Variants in HDAC4 observed in about 807,000 individuals in gnomAD.
HDAC4 encodes the protein histone deacetylase 4.
HDAC4 carries 16 observed loss-of-function variants against 135.1 expected under a neutral mutation model. The observed-to-expected ratio is 0.12, with a 90% CI of 0.08 to 0.18. The LOEUF (loss-of-function observed/expected upper bound fraction) is 0.18. Among genes scored for constraint, HDAC4 ranks in the 10% least tolerant of loss-of-function variants. The probability of loss-of-function intolerance (pLI) is 1.00; values close to 1 mark genes in which losing one functional copy is unlikely to be tolerated. For synonymous variants in HDAC4, 685 were observed against 653.4 expected (o/e 1.05, Z -0.74); for missense variants, 1,143 against 1,511.8 (o/e 0.76, Z 4.05).
At chr2:239,170,003 C>A (rs2043353694) in intron 5 of HDAC4, among the ~76,000 whole-genome samples, 1 of 152,228 alleles carries the variant, frequency 6.6e-6, no homozygotes, top group Admixed American at 6.5e-5. Context: ...TCCTCAGAGG[C>A]CTTCTACCTT....
chr2:239,168,015 C>T (rs986525636), intron 5 of HDAC4, among the ~76,000 whole-genome samples: 2 of 152,284 alleles, frequency 1.3e-5, no homozygotes, highest in East Asian at 1.9e-4. Flanking sequence ...GCTGTGCTCC[C>T]GGAGGGCCGT....
At position 239,358,344 on chromosome 2, in the gene HDAC4, G is replaced by A. The variant is rs549840032; in HGVS notation, c.-219-5426C>T. 3.9e-5 allele frequency among the ~76,000 whole-genome samples: 6 copies of A among 152,326 alleles called. No homozygotes were observed. In the East Asian group the frequency reaches 5.8e-4, roughly 15 times the overall value. On this transcript the variant is annotated intron_variant, in intron 1 of 26. Transcript: ENST00000543185. ...TGGTGTTGGTGCTAAAGCGCCGGCC[G>A]TCGGGAGCTCCTGCAAACCAGCTCC...
chr2:239,292,252 G>A (rs2051565919), intron 2 of HDAC4, among the ~76,000 whole-genome samples: 1 of 152,252 alleles, frequency 6.6e-6, no homozygotes, highest in East Asian at 1.9e-4. Context: ...CAGAGCACCT[G>A]CAGAAGCAGT....
At position 239,052,771 on chromosome 2, in the gene HDAC4, C is replaced by T. The variant is rs1182125802; in HGVS notation, c.*326G>A. 4 of 412,540 alleles carry T rather than the reference C, an allele frequency of 9.7e-6. No homozygotes were observed. Among genetic ancestry groups the T allele is most frequent in the East Asian group, 4.3e-5 (1 of 23,518 alleles). 25.6% of individuals were successfully genotyped at this position (412,540 alleles called of 1,614,324 possible). A position where few individuals can be genotyped will look rare whatever the true frequency, so the allele number is the denominator to read the frequency against. ...TGTCAACTGAATTCGGCAGCTCGGC[C>T]GCCTGTTGCCACAGGCTCCTTTCTT... On this transcript the variant is annotated 3_prime_UTR_variant, in exon 27 of 27. Coordinates refer to ENST00000543185, the MANE Select transcript of HDAC4 (RefSeq NM_001378414.1).
intron 22 of HDAC4, among the ~76,000 whole-genome samples, chr2:239,073,324 C>T (rs2034391485): frequency 6.6e-6 from 1 of 152,192 alleles, no homozygotes; most frequent in Non-Finnish European, 1.5e-5. Flanking sequence ...CCCCGAGGGC[C>T]ATCGTTAGGG....
rs1316805476 is a variant in HDAC4, at chr2:239,400,259, C to G, written c.-220+719G>C. On this transcript the variant is annotated intron_variant, in intron 1 of 26. Transcript: ENST00000543185. This position sits in a 1 kb window ranked among gnomAD's most constrained non-coding sequence, Gnocchi z 4.7. ...CGACGACAAGCGCGGGGCCGCGGAC[C>G]CCCGGCAGGGACGTTTTTCTGCAAA... The G allele has an allele frequency of 1.3e-5, 2 of 151,186 alleles. No individual in the cohort carries two copies. Among genetic ancestry groups the G allele is most frequent in the Middle Eastern group, 3.3e-3 (1 of 306 alleles). 9.4% of individuals were successfully genotyped at this position (151,186 alleles called of 1,614,324 possible).
intron 3 of HDAC4, among the ~76,000 whole-genome samples, chr2:239,194,849 C>T (rs539735526): frequency 3.0e-4 from 45 of 152,350 alleles, no homozygotes; most frequent in African/African-American, 1.0e-3. Flanking sequence ...TCCAGCTTCT[C>T]CAGCAGTTTA....
chr2:239,152,697 C>G (rs1039915441), intron 7 of HDAC4, among the ~76,000 whole-genome samples: 1 of 152,156 alleles, frequency 6.6e-6, no homozygotes, highest in African/African-American at 2.4e-5. Flanking sequence ...TCTTGGTGTT[C>G]CCATCCTTGT....
chr2:239,084,022 A>G (rs573270044), intron 20 of HDAC4, 133 bp downstream of exon 20: 9 of 723,466 alleles, frequency 1.2e-5, no homozygotes, highest in South Asian at 6.0e-5. Context: ...ACTTCTCCGC[A>G]TCTTTGAGAC....
In HDAC4 at chr2:239,055,288, A is replaced by T. The variant is rs549163264; in HGVS notation, c.3004-455T>A. On this transcript the variant is annotated intron_variant, in intron 24 of 26. Coordinates refer to ENST00000543185, the MANE Select transcript of HDAC4 (RefSeq NM_001378414.1). Reference sequence around the variant, plus strand: ...GGGGTCGGGGGAGATGAAATGGAAGAAGTAGTCAGATCTCTCAGAGGGAAT... The same window carrying T: ...GGGGTCGGGGGAGATGAAATGGAAGTAGTAGTCAGATCTCTCAGAGGGAAT... 3 of 241,442 alleles carry T rather than the reference A, an allele frequency of 1.2e-5. No individual in the cohort carries two copies. The East Asian group carries it at 3.2e-4, about 26-fold the overall frequency. The allele number at this position is 241,442 out of a possible 1,614,324, so 15.0% of individuals were successfully genotyped here.
Position 239,115,514 on chromosome 2 carries a change from T to C in HDAC4, c.1534-204A>G, listed in dbSNP as rs536636289. 1.3e-5 allele frequency among the ~76,000 whole-genome samples: 2 copies of C among 151,510 alleles called. No homozygotes were observed. Among genetic ancestry groups the C allele is most frequent in the African/African-American group, 4.9e-5 (2 of 41,216 alleles). On this transcript the variant is annotated intron_variant, in intron 12 of 26. Coordinates refer to ENST00000543185, the MANE Select transcript of HDAC4 (RefSeq NM_001378414.1). The surrounding 1 kb of genome is among the most constrained non-coding windows in gnomAD (Gnocchi z 6.3). ...GAGTGCCTAAGAAAATAATGCCCAG[T>C]AGGACCCCAGCCCAGGGTCAAGGTG...
At chr2:239,145,736 C>T (rs772469480) in intron 7 of HDAC4, among the ~76,000 whole-genome samples, 1 of 152,218 alleles carries the variant, frequency 6.6e-6, no homozygotes, top group Non-Finnish European at 1.5e-5. Flanking sequence ...AATCAGCACT[C>T]CTGCTGTTCT....
At chr2:239,190,295 C>G (rs11894562) in intron 3 of HDAC4, among the ~76,000 whole-genome samples, 194 of 152,178 alleles carry the variant, frequency 1.3e-3, no homozygotes, top group South Asian at 3.1e-3. Flanking sequence ...AGGGCAAAAA[C>G]CACAAAAGCC....
At chr2:239,380,982 GA>G (rs1466815511) in intron 1 of HDAC4, among the ~76,000 whole-genome samples, 1 of 152,152 alleles carries the variant, frequency 6.6e-6, no homozygotes, top group Non-Finnish European at 1.5e-5. Flanking sequence ...TTCACGTCCT[GA>G]TAGCTGAGAA....
rs1205941141 is a variant in HDAC4 at position 239,262,879 on chromosome 2, C to T, written c.23-26215G>A. On this transcript the variant is annotated intron_variant, in intron 2 of 26. Coordinates refer to ENST00000543185, the MANE Select transcript of HDAC4 (RefSeq NM_001378414.1). The surrounding 1 kb of genome is among the most constrained non-coding windows in gnomAD (Gnocchi z 4.1). ...CTGGTGAGCAGGAGAGCGTGAGGCT[C>T]TAAGGAGTGGATCCCTCACTGGAAG... 6.6e-6 allele frequency among the ~76,000 whole-genome samples: 1 copy of T among 152,140 alleles called. No individual in the cohort carries two copies. The highest frequency in any genetic ancestry group is 2.4e-5 in the African/African-American group (1 of 41,438).
At chr2:239,301,928 G>A (rs139373955) in intron 2 of HDAC4, among the ~76,000 whole-genome samples, 14 of 152,062 alleles carry the variant, frequency 9.2e-5, no homozygotes, top group South Asian at 8.3e-4. Context: ...AGGAGATTAC[G>A]CCTAAGACTG....
At chr2:239,235,202 C>T (rs1020209767) in intron 3 of HDAC4, among the ~76,000 whole-genome samples, 1 of 152,136 alleles carries the variant, frequency 6.6e-6, no homozygotes, top group Non-Finnish European at 1.5e-5. Context: ...CGAACACCCC[C>T]CAAGAGGCCA....
At chr2:239,054,544 C>T (rs1490245320) in intron 25 of HDAC4, among the ~76,000 whole-genome samples, 1 of 152,122 alleles carries the variant, frequency 6.6e-6, no homozygotes, top group Non-Finnish European at 1.5e-5. Context: ...TCCCAGCAGG[C>T]CGGGGGAAAT....
intron 4 of HDAC4, among the ~76,000 whole-genome samples, chr2:239,185,630 C>A (rs976051028): frequency 1.3e-5 from 2 of 152,130 alleles, no homozygotes; most frequent in African/African-American, 4.8e-5. Flanking sequence ...ACTCACCAGC[C>A]TGGAGCATGC....
Sources: allele counts gnomAD v4.1 joint callset (sites outside exome capture counted in the v4.1 genomes callset), GRCh38; gene constraint gnomAD v4.1.1; non-coding constraint Gnocchi (gnomAD v3.1); transcripts MANE v1.5; gene names NCBI Gene and HGNC (gene_info 2026-07-23, HGNC 2026-07-21).